The following BICC1 variants were observed in gnomAD, a reference collection of about 807,000 sequenced individuals.
BICC1 encodes the protein protein bicaudal C homolog 1.
In BICC1, 43 loss-of-function variants were observed where a neutral mutation model predicts 111.0. The ratio of observed to expected loss-of-function variants is 0.39; its 90% CI spans 0.30 to 0.50. The LOEUF is 0.50. Ranked by LOEUF, BICC1 falls within the 20% of genes least tolerant of loss-of-function variation. BICC1 has a pLI of 0.88. For synonymous variants in BICC1, 467 were observed against 434.4 expected (o/e 1.07, Z -0.93); for missense variants, 1,091 against 1,203.2 (o/e 0.91, Z 1.38).
At chr10:58,766,549 C>A (rs1842461147) in intron 3 of BICC1, among the ~76,000 whole-genome samples, 1 of 152,030 alleles carries the variant, frequency 6.6e-6, no homozygotes, top group African/African-American at 2.4e-5. Flanking sequence ...ATGATTTCAG[C>A]AAGATAGCAG....
At chr10:58,750,741 A>G (rs996406616) in intron 3 of BICC1, among the ~76,000 whole-genome samples, 1 of 152,186 alleles carries the variant, frequency 6.6e-6, no homozygotes, top group African/African-American at 2.4e-5. Flanking sequence ...CTAGGTCATA[A>G]TTACCATTAT....
intron 15 of BICC1, among the ~76,000 whole-genome samples, chr10:58,806,139 A>G (rs1459254037): frequency 1.3e-5 from 2 of 152,170 alleles, no homozygotes; most frequent in African/African-American, 4.8e-5. Flanking sequence ...ATACCACTTC[A>G]GGCCACGCTT....
chr10:58,795,368 A>G (rs963646426), intron 9 of BICC1, among the ~76,000 whole-genome samples: 3 of 152,210 alleles, frequency 2.0e-5, no homozygotes, highest in Non-Finnish European at 4.4e-5. Flanking sequence ...ACAGGACATT[A>G]ATTTTATGTA....
intron 1 of BICC1, among the ~76,000 whole-genome samples, chr10:58,554,474 C>T (rs903107343): frequency 6.6e-6 from 1 of 152,054 alleles, no homozygotes; most frequent in Non-Finnish European, 1.5e-5. Context: ...ACATGTTAGC[C>T]ATTATAAACG....
At chr10:58,688,765 G>A (rs1472587574) in intron 2 of BICC1, among the ~76,000 whole-genome samples, 2 of 151,988 alleles carry the variant, frequency 1.3e-5, no homozygotes, top group Non-Finnish European at 2.9e-5. Flanking sequence ...TCATTCCCAG[G>A]AAACTACACA....
At chr10:58,790,047 C>A in intron 8 of BICC1, 114 bp downstream of exon 8, 1 of 1,197,608 alleles carries the variant, frequency 8.3e-7, no homozygotes, top group South Asian at 1.5e-5. Flanking sequence ...GAAGCCTCGT[C>A]AAATAAGGAA....
At chr10:58,700,152 A>T (rs961075741) in intron 2 of BICC1, among the ~76,000 whole-genome samples, 2 of 152,176 alleles carry the variant, frequency 1.3e-5, no homozygotes, top group African/African-American at 4.8e-5. Flanking sequence ...GAGGATTTCC[A>T]CTTGCAATAA....
intron 3 of BICC1, among the ~76,000 whole-genome samples, chr10:58,756,468 C>T (rs1200417407): frequency 1.3e-5 from 2 of 152,104 alleles, no homozygotes; most frequent in African/African-American, 4.8e-5. Context: ...ATATTTAGGA[C>T]CAGTTTACTG....
chr10:58,661,026 AGTGGGGT>A (rs1377591483), intron 2 of BICC1, among the ~76,000 whole-genome samples: 1 of 152,136 alleles, frequency 6.6e-6, no homozygotes, highest in Non-Finnish European at 1.5e-5. Context: ...GTGAGGCTGT[AGTGGGGT>A]GTTGATGGCT....
chr10:58,827,134 AC>A (rs1844423365), intron 20 of BICC1, among the ~76,000 whole-genome samples: 1 of 152,230 alleles, frequency 6.6e-6, no homozygotes, highest in African/African-American at 2.4e-5. Context: ...GTCTCCAAAC[AC>A]AAAGTCTCTA....
At chr10:58,614,525 C>T (rs1845538927) in intron 1 of BICC1, among the ~76,000 whole-genome samples, 1 of 152,206 alleles carries the variant, frequency 6.6e-6, no homozygotes, top group African/African-American at 2.4e-5. Context: ...TTCTTGCCTG[C>T]TGTTTTCCCT....
At chr10:58,663,059 T>C (rs1338062135) in intron 2 of BICC1, among the ~76,000 whole-genome samples, 2 of 123,854 alleles carry the variant, frequency 1.6e-5, no homozygotes, top group Non-Finnish European at 3.2e-5. Flanking sequence ...TTTTTCTTTT[T>C]CTTTTTCTTT....
chr10:58,746,020 G>C (rs1188623346), intron 3 of BICC1, among the ~76,000 whole-genome samples: 2 of 152,060 alleles, frequency 1.3e-5, no homozygotes, highest in Non-Finnish European at 2.9e-5. Context: ...AAGGAAGGGA[G>C]AAGTAGGAAG....
At chr10:58,587,877 G>A (rs1321556087) in intron 1 of BICC1, among the ~76,000 whole-genome samples, 3 of 152,156 alleles carry the variant, frequency 2.0e-5, no homozygotes, top group African/African-American at 7.2e-5. Context: ...AGGGTTGTTT[G>A]TATTTTCTGT....
chr10:58,752,704 C>T (rs1245809619), intron 3 of BICC1, among the ~76,000 whole-genome samples: 2 of 152,166 alleles, frequency 1.3e-5, no homozygotes. Flanking sequence ...TGCTAAAGGA[C>T]ATTTCAAAAC....
At chr10:58,722,135 C>G (rs1840957596) in intron 3 of BICC1, among the ~76,000 whole-genome samples, 1 of 152,136 alleles carries the variant, frequency 6.6e-6, no homozygotes, top group Admixed American at 6.5e-5. Context: ...AGACTAATGG[C>G]AAGAAAATTG....
Position 58,790,471 on chromosome 10 carries a change from A to G in BICC1, c.1047+538A>G, listed in dbSNP as rs1418642521. ...AAGAAAAGCAAAGTTATATATTATA[A>G]TTCAATACTACTTTACTACTTCTAA... On this transcript the variant is annotated intron_variant, in intron 8 of 20. Transcript: ENST00000373886. Among the ~76,000 whole-genome samples the G allele has an allele frequency of 1.1e-4, 16 of 152,300 alleles. No individual in the cohort carries two copies. The East Asian group carries it at 2.7e-3, about 26-fold the overall frequency.
intron 10 of BICC1, among the ~76,000 whole-genome samples, chr10:58,797,391 CT>C: frequency 6.6e-6 from 1 of 152,194 alleles, no homozygotes; most frequent in Admixed American, 6.5e-5. Flanking sequence ...GCTATTCTTG[CT>C]TTTAACTTTT....
intron 1 of BICC1, among the ~76,000 whole-genome samples, chr10:58,577,089 C>T (rs986528935): frequency 3.0e-4 from 45 of 152,240 alleles, no homozygotes; most frequent in South Asian, 8.3e-4. Flanking sequence ...AGGTTGGTTT[C>T]CACAATGTCC....
Sources: gnomAD v4.1 joint callset for allele counts (sites outside exome capture counted in the v4.1 genomes callset) on GRCh38, gnomAD v4.1.1 for gene constraint, MANE v1.5 for transcripts, NCBI Gene and HGNC (gene_info 2026-07-23, HGNC 2026-07-21) for gene names.